The following ERV3-1 variants were observed in gnomAD, a reference collection of about 807,000 sequenced individuals.
ERV3-1 encodes the protein endogenous retrovirus group 3 member 1 Env polyprotein.
Under a neutral mutation model 24.6 loss-of-function variants are expected in ERV3-1, and 36 were observed. That is an observed-to-expected ratio of 1.47 (90% confidence interval 1.12 to 1.94). ERV3-1 has a LOEUF of 1.94. ERV3-1 is among the 30% of genes most tolerant of loss of function. ERV3-1 has a pLI of 0.00. For missense variants in ERV3-1, 578 were observed against 330.9 expected (o/e 1.75, Z -5.79); for synonymous variants, 211 against 122.6 (o/e 1.72, Z -4.76).
At chr7:65,002,151 C>T (rs1786537453) in intron 1 of ERV3-1, among the ~76,000 whole-genome samples, 1 of 152,178 alleles carries the variant, frequency 6.6e-6, no homozygotes, top group African/African-American at 2.4e-5. Context: ...ATAAAATTCT[C>T]TATCCTTTGT....
In ERV3-1 at chr7:64,993,157, T is replaced by C. The variant is rs1786322076; in HGVS notation, c.-131A>G. On this transcript the variant is annotated 5_prime_UTR_variant, in exon 2 of 2. Coordinates refer to ENST00000394323, the MANE Select transcript of ERV3-1 (RefSeq NM_001007253.4). The stretch of plus-strand genomic sequence containing the variant: ...CCACATTTACTTCCCTGATGATGAC[T>C]CAAGCTTCGGCCGTGCATAGACTAG... The C allele has an allele frequency of 1.7e-6, 1 of 604,900 alleles. No individual in the cohort carries two copies. 37.5% of individuals were successfully genotyped at this position (604,900 alleles called of 1,614,324 possible).
intron 1 of ERV3-1, among the ~76,000 whole-genome samples, chr7:65,001,677 G>A (rs1786527222): frequency 6.6e-6 from 1 of 152,176 alleles, no homozygotes; most frequent in South Asian, 2.1e-4. Context: ...GTGTACAGGA[G>A]AGCAGAGTCT....
chr7:65,000,989 G>T (rs1211861320), intron 1 of ERV3-1, among the ~76,000 whole-genome samples: 4 of 152,056 alleles, frequency 2.6e-5, no homozygotes, highest in African/African-American at 7.2e-5. Context: ...TAAATAATAA[G>T]AACACATGGA....
chr7:64,997,906 C>G (rs988164447), intron 1 of ERV3-1, among the ~76,000 whole-genome samples: 1 of 152,084 alleles, frequency 6.6e-6, no homozygotes, highest in Non-Finnish European at 1.5e-5. Flanking sequence ...CGGTTGCCCC[C>G]CCTTGAACCT....
rs1288609883 is a variant in ERV3-1, at chr7:64,993,170, G to A, written c.-144C>T. ...CCTGATGATGACTCAAGCTTCGGCC[G>A]TGCATAGACTAGTCAGCTTCTGGGG... is the stretch of plus-strand genomic sequence containing the variant. On this transcript the variant is annotated 5_prime_UTR_variant, in exon 2 of 2. In the 5' UTR this introduces an upstream ATG that the reference lacks. Coordinates refer to ENST00000394323, the MANE Select transcript of ERV3-1 (RefSeq NM_001007253.4). 8 of 600,604 alleles carry A rather than the reference G, an allele frequency of 1.3e-5. No homozygotes were observed. The highest frequency in any genetic ancestry group is 8.1e-5 in the South Asian group (4 of 49,398). The allele number at this position is 600,604 out of a possible 1,614,324, so 37.2% of individuals were successfully genotyped here.
rs1448727024 is a variant in ERV3-1, at chr7:64,992,649, T to C, written c.378A>G (p.Ile126Met). The C allele has an allele frequency of 1.3e-6, 1 of 766,134 alleles. No individual in the cohort carries two copies. The highest frequency in any genetic ancestry group is 2.4e-6 in the Non-Finnish European group (1 of 417,828). The allele number at this position is 766,134 out of a possible 1,614,324, so 47.5% of individuals were successfully genotyped here. Residue 126 changes from isoleucine (I) to methionine (M), a missense_variant, in exon 2 of 2, where the codon ATA becomes ATG. Coordinates refer to ENST00000394323, the MANE Select transcript of ERV3-1 (RefSeq NM_001007253.4). ...CGGGAAAGAGTGAGCCCATGGATAC[T>C]ATCTGGCAAACATCAAAGTATAAGG... ...VVSLYFDVCQ[I>M]VSMGSLFPVI...
rs1200554480 is a variant in ERV3-1, at chr7:64,992,057, G to A, written c.970C>T (p.Leu324Phe). ...CTCTGACTTGATGGTGCAGGTTCGA[G>A]GGAAGAGGCGGTTAGTGTGAAATTA... ...QDNFTLTASS[L>F]EPAPSSQSIW... Residue 324 changes from leucine (L) to phenylalanine (F), a missense_variant, in exon 2 of 2, where the codon CTC (leucine) becomes TTC (phenylalanine). Leu to Phe is a conservative substitution (Grantham distance 22, BLOSUM62 0). Coordinates refer to ENST00000394323, the MANE Select transcript of ERV3-1 (RefSeq NM_001007253.4). 1.3e-6 allele frequency: 1 copy of A among 766,412 alleles called. No homozygotes were observed. Among genetic ancestry groups the A allele is most frequent in the East Asian group, 2.4e-5 (1 of 41,238 alleles). 47.5% of individuals were successfully genotyped at this position (766,412 alleles called of 1,614,324 possible). A position where few individuals can be genotyped will look rare whatever the true frequency, so the allele number is the denominator to read the frequency against.
At chr7:65,006,233 C>T (rs1202012478) in intron 1 of ERV3-1, 2 of 434,202 alleles carry the variant, frequency 4.6e-6, no homozygotes, top group Non-Finnish European at 8.4e-6. Flanking sequence ...TCTCCCCTGA[C>T]GACCGTCCAG....
intron 1 of ERV3-1, among the ~76,000 whole-genome samples, chr7:64,996,704 C>T (rs1462029936): frequency 6.6e-6 from 1 of 152,310 alleles, no homozygotes; most frequent in Non-Finnish European, 1.5e-5. Context: ...AAAGACACAC[C>T]TCCTTGGCTG....
chr7:64,999,253 G>T lies in ERV3-1; in HGVS notation c.-388-5839C>A, dbSNP rs1786470210. On this transcript the variant is annotated intron_variant, in intron 1 of 1. Transcript: ENST00000394323. ...TTGAAGGTCTCCCAATGGTGCCTTG[G>T]GTCACGGGTCTCCCCCAGCCCGGGG... Among the ~76,000 whole-genome samples the T allele has an allele frequency of 2.6e-5, 4 of 152,226 alleles. No homozygotes were observed. The South Asian group carries it at 8.3e-4, about 31-fold the overall frequency.
At position 64,991,777 on chromosome 7, in the gene ERV3-1, A is replaced by T. The variant is rs745528773; in HGVS notation, c.1250T>A (p.Leu417His). The stretch of plus-strand genomic sequence containing the variant: ...TGCTTGTGGCCCACAGATCCAGTAG[A>T]GGCCAGAGGGTGCCTGCCAGGTATT... ...APNTWQAPSG[L>H]YWICGPQAYR... is the part of the protein sequence containing the mutation. The change falls in exon 2 of 2, where the codon CTC (leucine) becomes CAC (histidine). Residue 417 changes from leucine to histidine, a missense_variant. By Grantham distance (99) the Leu-to-His change is moderately conservative. Transcript: ENST00000394323. The T allele has an allele frequency of 5.2e-6, 4 of 766,070 alleles. No homozygotes were observed. The East Asian group carries it at 9.7e-5, about 19-fold the overall frequency. The allele number at this position is 766,070 out of a possible 1,614,324, so 47.5% of individuals were successfully genotyped here.
In ERV3-1 at chr7:64,991,099, G is replaced by T. The variant is rs1786252954; in HGVS notation, c.*113C>A. The stretch of plus-strand genomic sequence containing the variant: ...TGTTTGGATATTTTTGACAATGAGG[G>T]GTAAGAGACAAGGGAGTATAAGGCA... On this transcript the variant is annotated 3_prime_UTR_variant, in exon 2 of 2. Transcript: ENST00000394323. 1.7e-6 allele frequency: 1 copy of T among 596,746 alleles called. No homozygotes were observed. Among genetic ancestry groups the T allele is most frequent in the Non-Finnish European group, 3.0e-6 (1 of 335,250 alleles). The allele number at this position is 596,746 out of a possible 1,614,324, so 37.0% of individuals were successfully genotyped here. A position where few individuals can be genotyped will look rare whatever the true frequency, so the allele number is the denominator to read the frequency against.
chr7:64,992,535 AGTT>A lies in ERV3-1; in HGVS notation c.489_491del (p.Thr164del). 1.3e-6 allele frequency: 1 copy of A among 766,382 alleles called. No homozygotes were observed. Among genetic ancestry groups the A allele is most frequent in the Non-Finnish European group, 2.4e-6 (1 of 417,902 alleles). 47.5% of individuals were successfully genotyped at this position (766,382 alleles called of 1,614,324 possible). A position where few individuals can be genotyped will look rare whatever the true frequency, so the allele number is the denominator to read the frequency against. Reference sequence around the variant, plus strand: ...TGGACCACGTTGTGCAGTCCCAGCAAGTTGTTACTGGGGAATCGGTGGAACAAG... The same window carrying A: ...TGGACCACGTTGTGCAGTCCCAGCAAGTTACTGGGGAATCGGTGGAACAAG... On this transcript the variant is annotated inframe_deletion, in exon 2 of 2. Coordinates refer to ENST00000394323, the MANE Select transcript of ERV3-1 (RefSeq NM_001007253.4).
In ERV3-1 at chr7:65,006,569, G is replaced by A. The variant is rs879479560; in HGVS notation, c.-417C>T. 1.0e-5 allele frequency: 16 copies of A among 1,575,390 alleles called. No homozygotes were observed. Among genetic ancestry groups the A allele is most frequent in the Admixed American group, 1.7e-5 (1 of 59,654 alleles). Reference sequence around the variant, plus strand: ...TTCTAGGCTTCCAGTGGGTCCTGGCGTCTTAGCTGTGGATCTCCCAATACC... The same window carrying A: ...TTCTAGGCTTCCAGTGGGTCCTGGCATCTTAGCTGTGGATCTCCCAATACC... On this transcript the variant is annotated 5_prime_UTR_variant, in exon 1 of 2. It adds an upstream start codon to the 5' untranslated region. Transcript: ENST00000394323.
intron 1 of ERV3-1, among the ~76,000 whole-genome samples, chr7:64,996,270 C>G (rs1173615780): frequency 2.6e-5 from 4 of 152,136 alleles, no homozygotes; most frequent in Non-Finnish European, 5.9e-5. Flanking sequence ...CCCATGGTCA[C>G]AGAGCCACTT....
In ERV3-1 at chr7:64,991,005, C is replaced by CA; in HGVS notation, c.*206dup. ...CAAGAGGAAGTAGCTCTTTTCTTGG[C>CA]AGGGGTTAATACTTAGTTAGGGCCA... On this transcript the variant is annotated 3_prime_UTR_variant, in exon 2 of 2. Coordinates refer to ENST00000394323, the MANE Select transcript of ERV3-1 (RefSeq NM_001007253.4). 2.4e-6 allele frequency: 1 copy of CA among 415,764 alleles called. No homozygotes were observed. The highest frequency in any genetic ancestry group is 4.3e-6 in the Non-Finnish European group (1 of 235,196). The allele number at this position is 415,764 out of a possible 1,614,324, so 25.8% of individuals were successfully genotyped here.
At chr7:65,004,151 G>A (rs1322880404) in intron 1 of ERV3-1, 1 of 152,090 alleles carries the variant, frequency 6.6e-6, no homozygotes, top group Non-Finnish European at 1.5e-5. Flanking sequence ...ACCTGAGGCA[G>A]GGAGTTCAAG....
intron 1 of ERV3-1, chr7:65,006,223 T>G (rs1786645441): frequency 2.5e-6 from 1 of 392,412 alleles, no homozygotes; most frequent in African/African-American, 2.0e-5. Context: ...GAGTCAGTAT[T>G]CTCCCCTGAC....
intron 1 of ERV3-1, among the ~76,000 whole-genome samples, chr7:64,996,673 A>C (rs1176030195): frequency 3.3e-5 from 5 of 152,218 alleles, no homozygotes; most frequent in Non-Finnish European, 7.3e-5. Flanking sequence ...ACAGGAATTT[A>C]TGTTGGACCT....
Sources: gnomAD v4.1 joint callset for allele counts (sites outside exome capture counted in the v4.1 genomes callset) on GRCh38, gnomAD v4.1.1 for gene constraint, MANE v1.5 for transcripts, NCBI Gene and HGNC (gene_info 2026-07-23, HGNC 2026-07-21) for gene names.